The following TPTE variants were observed in gnomAD, a reference collection of about 807,000 sequenced individuals.
The protein encoded by TPTE is putative tyrosine-protein phosphatase TPTE.
A neutral mutation model predicts 84.1 loss-of-function variants in TPTE; 59 were observed. That is an observed-to-expected ratio of 0.70 (90% CI 0.57 to 0.87). The LOEUF (loss-of-function observed/expected upper bound fraction) is 0.87. TPTE is among the 40% of genes least tolerant of loss of function. TPTE has a pLI of 0.00. For missense variants in TPTE, 382 were observed against 659.6 expected (o/e 0.58, Z 4.61); for synonymous variants, 130 against 223.5 (o/e 0.58, Z 3.73).
In TPTE at chr21:10,561,221, A is replaced by G. The variant is rs532285767; in HGVS notation, c.446+30A>G. 4.3e-6 allele frequency: 7 copies of G among 1,609,774 alleles called. No homozygotes were observed. In the Admixed American group the frequency reaches 5.0e-5, roughly 12 times the overall value. On this transcript the variant is annotated intron_variant, in intron 10 of 23. Coordinates refer to ENST00000618007, the MANE Select transcript of TPTE (RefSeq NM_199261.4). The stretch of plus-strand genomic sequence containing the variant: ...GTTTGATTATTTTTATAATGCATTA[A>G]GCTACTTTGTAGTTTTATAAGAAGC...
At chr21:10,568,994 T>C (rs2074983387) in intron 11 of TPTE, among the ~76,000 whole-genome samples, 1 of 152,312 alleles carries the variant, frequency 6.6e-6, no homozygotes, top group Non-Finnish European at 1.5e-5. Flanking sequence ...ATAACAAAGA[T>C]GAACAAGAAT....
chr21:10,545,753 A>G (rs1222033887), intron 7 of TPTE, among the ~76,000 whole-genome samples: 4 of 151,744 alleles, frequency 2.6e-5, no homozygotes, highest in African/African-American at 7.3e-5. Context: ...TTGTGTGTAT[A>G]TAGATATAGA....
intron 7 of TPTE, among the ~76,000 whole-genome samples, chr21:10,547,243 A>G (rs2074485452): frequency 6.6e-6 from 1 of 152,312 alleles, no homozygotes; most frequent in Non-Finnish European, 1.5e-5. Context: ...CCGAGGCAAG[A>G]AATACACATC....
chr21:10,604,806 C>A (rs1848202), intron 23 of TPTE, among the ~76,000 whole-genome samples: 14,344 of 133,162 alleles, frequency 0.11, no homozygotes, highest in Non-Finnish European at 0.16. Context: ...CACTTTTATT[C>A]TTATTTTATA....
chr21:10,564,077 C>T (rs1197396583), intron 10 of TPTE, among the ~76,000 whole-genome samples: 1 of 152,304 alleles, frequency 6.6e-6, no homozygotes, highest in Non-Finnish European at 1.5e-5. Flanking sequence ...TCACTTGAAC[C>T]CGGGAGGCAG....
At chr21:10,557,345 A>G (rs1332770568) in intron 8 of TPTE, among the ~76,000 whole-genome samples, 2 of 152,306 alleles carry the variant, frequency 1.3e-5, no homozygotes, top group African/African-American at 4.8e-5. Flanking sequence ...TTTTTAAGCA[A>G]AAAAGTCTCA....
At chr21:10,538,756 CT>C (rs2074313481) in intron 4 of TPTE, 22 bp downstream of exon 4, 1 of 1,613,866 alleles carries the variant, frequency 6.2e-7, no homozygotes, top group African/African-American at 1.3e-5. Context: ...GTACGTGTGT[CT>C]TTATTTATCG....
At chr21:10,531,237 G>A (rs1270626087) in intron 3 of TPTE, among the ~76,000 whole-genome samples, 1 of 152,296 alleles carries the variant, frequency 6.6e-6, no homozygotes, top group Non-Finnish European at 1.5e-5. Context: ...CGGAGGTGGG[G>A]CCTAATGGAA....
chr21:10,547,328 A>C (rs2221585), intron 7 of TPTE, among the ~76,000 whole-genome samples: 1 of 152,300 alleles, frequency 6.6e-6, no homozygotes, highest in African/African-American at 2.4e-5. Context: ...GTGGTGACTG[A>C]AAGTTGCCAC....
At chr21:10,596,998 A>C (rs1312849135) in intron 20 of TPTE, among the ~76,000 whole-genome samples, 3 of 152,310 alleles carry the variant, frequency 2.0e-5, no homozygotes, top group African/African-American at 7.2e-5. Context: ...GAGATGAACA[A>C]AGATAATACA....
intron 10 of TPTE, among the ~76,000 whole-genome samples, chr21:10,563,064 CTT>C (rs1334298806): frequency 2.6e-5 from 4 of 152,310 alleles, no homozygotes; most frequent in African/African-American, 9.6e-5. Flanking sequence ...GCAGCAGACT[CTT>C]TAGTAGAAAC....
chr21:10,523,501 C>G (rs2074023517), intron 1 of TPTE, among the ~76,000 whole-genome samples: 2 of 148,112 alleles, frequency 1.4e-5, no homozygotes, highest in African/African-American at 2.5e-5. Context: ...CTTCCTGGGT[C>G]CACGTGTTCT....
intron 10 of TPTE, 73 bp from the exon 11 acceptor site, chr21:10,567,597 T>G: frequency 6.3e-7 from 1 of 1,588,378 alleles, no homozygotes; most frequent in South Asian, 1.2e-5. Context: ...GAGTCAATAG[T>G]TTGTGGTCTT....
At chr21:10,563,856 G>T (rs1231887201) in intron 10 of TPTE, among the ~76,000 whole-genome samples, 5 of 152,300 alleles carry the variant, frequency 3.3e-5, no homozygotes, top group African/African-American at 4.8e-5. Context: ...TGGATGAATG[G>T]ATGAAAGAAC....
intron 4 of TPTE, among the ~76,000 whole-genome samples, chr21:10,539,826 A>C (rs1033477820): frequency 6.6e-6 from 1 of 152,306 alleles, no homozygotes; most frequent in African/African-American, 2.4e-5. Flanking sequence ...CCTGGCCAAC[A>C]TGGTGAAACC....
At chr21:10,533,631 T>C (rs932764695) in intron 3 of TPTE, among the ~76,000 whole-genome samples, 50 of 152,294 alleles carry the variant, frequency 3.3e-4, no homozygotes, top group Non-Finnish European at 4.3e-4. Context: ...TTCAAAAGTG[T>C]CCTGGTTTGG....
Position 10,579,239 on chromosome 21 carries a change from A to T in TPTE, c.1027+634A>T, listed in dbSNP as rs559483742. ...TTTTGCATCCTTTAATTAACATCTC[A>T]GGCTGGGCACAGTGGCTCACACCTG... On this transcript the variant is annotated intron_variant, in intron 17 of 23. Coordinates refer to ENST00000618007, the MANE Select transcript of TPTE (RefSeq NM_199261.4). Among the ~76,000 whole-genome samples, 4 of 152,418 alleles carry T rather than the reference A, an allele frequency of 2.6e-5. No individual in the cohort carries two copies. The South Asian group carries it at 6.2e-4, about 24-fold the overall frequency.
rs1979228258 is a variant in TPTE, at chr21:10,605,687, C to T, written c.*135C>T. On this transcript the variant is annotated 3_prime_UTR_variant, in exon 24 of 24. Transcript: ENST00000618007. ...TTTATATATGTTTATATATGTTCTTCATAAATCTATTACATATATATAGAT... is the reference window on the plus strand; with the variant it reads ...TTTATATATGTTTATATATGTTCTTTATAAATCTATTACATATATATAGAT... 1.4e-6 allele frequency: 2 copies of T among 1,437,232 alleles called. No homozygotes were observed. Among genetic ancestry groups the T allele is most frequent in the Non-Finnish European group, 9.3e-7 (1 of 1,078,842 alleles). 89.0% of individuals were successfully genotyped at this position (1,437,232 alleles called of 1,614,324 possible).
chr21:10,551,312 G>C (rs1375442587), intron 7 of TPTE, among the ~76,000 whole-genome samples: 3 of 152,296 alleles, frequency 2.0e-5, no homozygotes, highest in Non-Finnish European at 4.4e-5. Flanking sequence ...GGGAGGGATA[G>C]CATTAGGAGA....
Sources: gnomAD v4.1 joint callset for allele counts (sites outside exome capture counted in the v4.1 genomes callset) on GRCh38, gnomAD v4.1.1 for gene constraint, MANE v1.5 for transcripts, NCBI Gene and HGNC (gene_info 2026-07-23, HGNC 2026-07-21) for gene names.